The following BRME1 variants were observed in gnomAD, a reference collection of about 807,000 sequenced individuals.
BRME1 encodes the protein break repair meiotic recombinase recruitment factor 1.
BRME1 carries 31 observed loss-of-function variants against 52.6 expected under a neutral mutation model. The observed-to-expected ratio is 0.59, with a 90% CI of 0.44 to 0.80. The LOEUF (loss-of-function observed/expected upper bound fraction) is 0.80. Ranked by LOEUF, BRME1 falls within the 30% of genes least tolerant of loss-of-function variation. The probability of loss-of-function intolerance (pLI) is 0.00; values close to 1 mark genes in which losing one functional copy is unlikely to be tolerated. For synonymous variants in BRME1, 359 were observed against 353.6 expected (o/e 1.02, Z -0.17); for missense variants, 804 against 860.3 (o/e 0.93, Z 0.82).
At position 13,889,857 on chromosome 19, in the gene BRME1, G is replaced by T; in HGVS notation, c.999C>A (p.Ser333=). 6.2e-7 allele frequency: 1 copy of T among 1,613,252 alleles called. No homozygotes were observed. Residue 333 remains serine, a synonymous_variant, in exon 6 of 9, where the codon TCC becomes TCA. Transcript: ENST00000586783. ...EGTHSSLGCS[S]LGMVVIADLS... Reference sequence around the variant, plus strand: ...GGTCTGCGATGACAACCATCCCGAGGGAGGAGCATCCCAGGCTGCTATGAG... The same window carrying T: ...GGTCTGCGATGACAACCATCCCGAGTGAGGAGCATCCCAGGCTGCTATGAG...
chr19:13,885,956 C>T lies in BRME1; in HGVS notation c.1763+5G>A. 1 of 1,613,222 alleles carries T rather than the reference C, an allele frequency of 6.2e-7. No individual in the cohort carries two copies. Among genetic ancestry groups the T allele is most frequent in the South Asian group, 1.1e-5 (1 of 91,032 alleles). ...GGAGCCACTTCTCACCCACGCCACACCTACCTCGGCTGGGCCTTGGCCACT... is the reference window on the plus strand; with the variant it reads ...GGAGCCACTTCTCACCCACGCCACATCTACCTCGGCTGGGCCTTGGCCACT... On this transcript the variant is annotated splice_donor_5th_base_variant and intron_variant, in intron 7 of 8. Coordinates refer to ENST00000586783, the MANE Select transcript of BRME1 (RefSeq NM_001345843.2).
chr19:13,894,220 A>C (rs1460333399), intron 3 of BRME1, among the ~76,000 whole-genome samples: 1 of 152,140 alleles, frequency 6.6e-6, no homozygotes, highest in Non-Finnish European at 1.5e-5. Context: ...AGTGAAACTT[A>C]GGGTTATATT....
In BRME1 at chr19:13,882,506, G is replaced by A. The variant is rs768185380; in HGVS notation, c.*296C>T. 5.3e-5 allele frequency: 25 copies of A among 468,432 alleles called. No homozygotes were observed. In the East Asian group the frequency reaches 7.6e-4, roughly 14 times the overall value. 29.0% of individuals were successfully genotyped at this position (468,432 alleles called of 1,614,324 possible). On this transcript the variant is annotated 3_prime_UTR_variant, in exon 9 of 9. Transcript: ENST00000586783. ...TCAGGACCCTAAAATTTGCAAATCC[G>A]GACAGGATGGGCCCTGCTCAGAGGT...
intron 2 of BRME1, among the ~76,000 whole-genome samples, chr19:13,901,383 A>G (rs1206039654): frequency 6.6e-6 from 1 of 152,080 alleles, no homozygotes; most frequent in East Asian, 1.9e-4. Flanking sequence ...GCAGATCAGT[A>G]AGTGTGATGA....
chr19:13,883,368 G>C lies in BRME1; in HGVS notation c.1796C>G (p.Ser599Cys). 6.5e-7 allele frequency: 1 copy of C among 1,535,126 alleles called. No individual in the cohort carries two copies. Residue 599 changes from serine (S) to cysteine (C), a missense_variant, in exon 8 of 9, where the codon TCC (serine) becomes TGC (cysteine). By Grantham distance (112) the Ser-to-Cys change is moderately radical (BLOSUM62 -1). Coordinates refer to ENST00000586783, the MANE Select transcript of BRME1 (RefSeq NM_001345843.2). The surrounding 1 kb of genome is among the most constrained non-coding windows in gnomAD (Gnocchi z 4.2). ...TFVGIQASEA[S>C]RMEDATNVVR... is the part of the protein sequence containing the mutation. The stretch of plus-strand genomic sequence containing the variant: ...GACGTTGGTGGCATCCTCCATCCTG[G>C]AGGCCTCAGAGGCCTGGATCCCCAC...
At chr19:13,889,157 A>T (rs201514767) in intron 6 of BRME1, 31 bp downstream of exon 6, 10 of 1,521,982 alleles carry the variant, frequency 6.6e-6, no homozygotes, top group Admixed American at 2.1e-5. Context: ...TGCCCTGGGC[A>T]GGTATGTCTG....
rs1180172615 is a variant in BRME1 at position 13,890,390 on chromosome 19, G to C, written c.466C>G (p.Gln156Glu). ...GGGTCCCCCAGCTCCGTGGCCTCCT[G>C]GAGGGGGACCCCCAGGGTCTCCACT... ...LLVETLGVPLQEATELGDPTQ... is the reference protein window; with the variant it reads ...LLVETLGVPLEEATELGDPTQ... Residue 156 changes from glutamine (Q) to glutamate (E), a missense_variant, in exon 6 of 9, where the codon CAG (glutamine) becomes GAG (glutamate). Gln to Glu is a conservative substitution (Grantham distance 29). Transcript: ENST00000586783. 4 of 1,534,516 alleles carry C rather than the reference G, an allele frequency of 2.6e-6. No individual in the cohort carries two copies. The highest frequency in any genetic ancestry group is 2.6e-6 in the Non-Finnish European group (3 of 1,147,366).
At position 13,882,493 on chromosome 19, in the gene BRME1, A is replaced by C; in HGVS notation, c.*309T>G. The stretch of plus-strand genomic sequence containing the variant: ...ATCCATACTTGGCTCAGGACCCTAA[A>C]ATTTGCAAATCCGGACAGGATGGGC... On this transcript the variant is annotated 3_prime_UTR_variant, in exon 9 of 9. Coordinates refer to ENST00000586783, the MANE Select transcript of BRME1 (RefSeq NM_001345843.2). The C allele has an allele frequency of 2.1e-6, 1 of 466,682 alleles. No individual in the cohort carries two copies. The highest frequency in any genetic ancestry group is 3.8e-6 in the Non-Finnish European group (1 of 266,482). 28.9% of individuals were successfully genotyped at this position (466,682 alleles called of 1,614,324 possible).
chr19:13,890,511 T>A (rs779118658), intron 5 of BRME1, 49 bp from the exon 6 acceptor site: 1 of 1,430,544 alleles, frequency 7.0e-7, no homozygotes, highest in East Asian at 2.5e-5. Flanking sequence ...AACCAAGTTC[T>A]CCGAAGAGTT....
intron 2 of BRME1, among the ~76,000 whole-genome samples, chr19:13,898,688 C>T (rs1360150782): frequency 6.6e-6 from 1 of 152,064 alleles, no homozygotes; most frequent in Non-Finnish European, 1.5e-5. Context: ...CTTTGGGAGG[C>T]TGAGGCGGGC....
intron 5 of BRME1, 107 bp downstream of exon 5, chr19:13,892,679 C>T (rs1717044751): frequency 2.6e-6 from 2 of 770,090 alleles, no homozygotes; most frequent in Non-Finnish European, 2.3e-6. Flanking sequence ...TGGAGAGGTG[C>T]AGGCCTCACC....
In BRME1 at chr19:13,886,024, C is replaced by A; in HGVS notation, c.1700G>T (p.Cys567Phe). The change falls in exon 7 of 9, where the codon TGC becomes TTC. Residue 567 changes from cysteine to phenylalanine, a missense_variant. Cys to Phe is a radical substitution (Grantham distance 205). Around this residue, in one of 3 missense-constraint regions of BRME1, gnomAD observed 552 missense variants for 561.1 expected, o/e 0.98. Coordinates refer to ENST00000586783, the MANE Select transcript of BRME1 (RefSeq NM_001345843.2). ...GGCATGTGAGCTGGGGCCCGGCCAG[C>A]AAGGGCCCGGCTTGTTCCCCGAAGG... ...LFPSGNKPGP[C>F]WPGPSSHANG... The A allele has an allele frequency of 6.2e-7, 1 of 1,614,018 alleles. No homozygotes were observed. The highest frequency in any genetic ancestry group is 2.2e-5 in the East Asian group (1 of 44,880).
At chr19:13,898,983 A>G (rs1288122940) in intron 2 of BRME1, among the ~76,000 whole-genome samples, 1 of 151,102 alleles carries the variant, frequency 6.6e-6, no homozygotes, top group African/African-American at 2.4e-5. Flanking sequence ...ACTCTTTCCA[A>G]CCTCAGCTCT....
chr19:13,897,602 C>T (rs973361910), intron 2 of BRME1, among the ~76,000 whole-genome samples: 3 of 152,224 alleles, frequency 2.0e-5, no homozygotes, highest in South Asian at 2.1e-4. Flanking sequence ...GGAAAGATGC[C>T]AGCCTGTAAT....
rs750705440 is a variant in BRME1 at position 13,889,879 on chromosome 19, T to A, written c.977A>T (p.His326Leu). ...SRMGREGEGT[H>L]SSLGCSSLGM... ...GAGGGAGGAGCATCCCAGGCTGCTA[T>A]GAGTCCCTTCCCCTTCCCTACCCAT... The change falls in exon 6 of 9, where the codon CAT becomes CTT. Residue 326 changes from histidine (H) to leucine (L), a missense_variant. Around this residue, in one of 3 missense-constraint regions of BRME1, gnomAD observed 552 missense variants for 561.1 expected, o/e 0.98. Coordinates refer to ENST00000586783, the MANE Select transcript of BRME1 (RefSeq NM_001345843.2). 1 of 1,613,226 alleles carries A rather than the reference T, an allele frequency of 6.2e-7. No homozygotes were observed. Among genetic ancestry groups the A allele is most frequent in the African/African-American group, 1.3e-5 (1 of 75,060 alleles).
In BRME1 at chr19:13,892,882, G is replaced by T; in HGVS notation, c.297C>A (p.Phe99Leu). The change falls in exon 5 of 9, where the codon TTC (phenylalanine) becomes TTA (leucine). Residue 99 changes from phenylalanine to leucine, a missense_variant. Phe to Leu is a conservative substitution (Grantham distance 22). Coordinates refer to ENST00000586783, the MANE Select transcript of BRME1 (RefSeq NM_001345843.2). The stretch of plus-strand genomic sequence containing the variant: ...TTGCAAACTGGGGAACAAACCTCCC[G>T]AATGAGTTCTGTAAACCGGATACAA... ...PAPLPPSQNS[F>L]GRFVPQFAKS... 1.2e-6 allele frequency: 2 copies of T among 1,612,916 alleles called. No individual in the cohort carries two copies. The highest frequency in any genetic ancestry group is 4.5e-5 in the East Asian group (2 of 44,886).
intron 2 of BRME1, among the ~76,000 whole-genome samples, 175 bp downstream of exon 2, chr19:13,904,687 G>A (rs752212509): frequency 1.0e-4 from 15 of 150,410 alleles, no homozygotes; most frequent in East Asian, 4.0e-4. Flanking sequence ...TGATCTGCCC[G>A]CCTCGGCCTC....
chr19:13,884,011 CTG>C (rs1968824422), intron 7 of BRME1, among the ~76,000 whole-genome samples: 2 of 152,196 alleles, frequency 1.3e-5, no homozygotes, highest in African/African-American at 4.8e-5. Flanking sequence ...GCATTCAACT[CTG>C]TGTTTTGTCC....
chr19:13,883,232 CA>C lies in BRME1; in HGVS notation c.1856+75del. ...CTGCCCACCTAGGGGCTTCACACTT[CA>C]GTCCCTCCCTGCTCCTCTGAGTCCC... On this transcript the variant is annotated intron_variant, in intron 8 of 8. Transcript: ENST00000586783. The surrounding 1 kb of genome is among the most constrained non-coding windows in gnomAD (Gnocchi z 4.2). The C allele has an allele frequency of 1.5e-6, 2 of 1,335,178 alleles. No homozygotes were observed. The highest frequency in any genetic ancestry group is 2.6e-5 in the South Asian group (2 of 77,786). 82.7% of individuals were successfully genotyped at this position (1,335,178 alleles called of 1,614,324 possible). A position where few individuals can be genotyped will look rare whatever the true frequency, so the allele number is the denominator to read the frequency against.
Sources: allele counts gnomAD v4.1 joint callset (sites outside exome capture counted in the v4.1 genomes callset), GRCh38; gene constraint gnomAD v4.1.1; regional missense constraint gnomAD v4.1.1; non-coding constraint Gnocchi (gnomAD v3.1); transcripts MANE v1.5; gene names NCBI Gene and HGNC (gene_info 2026-07-23, HGNC 2026-07-21).